Variants in CMIP observed in about 807,000 individuals in gnomAD.
CMIP encodes C-Maf-inducing protein.
CMIP carries 13 observed loss-of-function variants against 97.3 expected under a neutral mutation model. That is an observed-to-expected ratio of 0.13 (90% CI 0.09 to 0.21). The LOEUF is 0.21. Ranked by LOEUF, CMIP falls within the 10% of genes least tolerant of loss-of-function variation. CMIP has a pLI of 1.00. For synonymous variants in CMIP, 538 were observed against 436.3 expected, an observed-to-expected ratio of 1.23 and a Z score of -2.91; for missense variants, 847 against 1,024.9, an observed-to-expected ratio of 0.83 and a Z score of 2.37.
At position 81,548,331 on chromosome 16, in the gene CMIP, G is replaced by A. The variant is rs549515271; in HGVS notation, c.301-59236G>A. 3.0e-4 allele frequency among the ~76,000 whole-genome samples: 46 copies of A among 152,088 alleles called. No homozygotes were observed. The South Asian group carries it at 8.1e-3, about 27-fold the overall frequency. On this transcript the variant is annotated intron_variant, in intron 1 of 20. Transcript: ENST00000537098. ...AAAGTTTTTGTAGAGATGGGGTCTC[G>A]TTTTGTTGTTCAGGCTGTTCTCGAA...
chr16:81,609,601 T>A (rs9926468), intron 2 of CMIP, among the ~76,000 whole-genome samples: 4 of 152,172 alleles, frequency 2.6e-5, no homozygotes, highest in South Asian at 4.1e-4. Context: ...GAGGCAACCG[T>A]GGAGGACTGG....
rs2089471600 is a variant in CMIP, at chr16:81,495,439, G to A, written c.300+49898G>A. 2.5e-6 allele frequency: 4 copies of A among 1,609,748 alleles called. No homozygotes were observed. The Admixed American group carries it at 5.0e-5, about 20-fold the overall frequency. On this transcript the variant is annotated intron_variant, in intron 1 of 20. Coordinates refer to ENST00000537098, the MANE Select transcript of CMIP (RefSeq NM_198390.3). Reference sequence around the variant, plus strand: ...GCTGCCGCTCTGTTTCCTGCGAGGAGGGAAGTTACAGATCTCCGCCCTGGC... The same window carrying A: ...GCTGCCGCTCTGTTTCCTGCGAGGAAGGAAGTTACAGATCTCCGCCCTGGC...
intron 1 of CMIP, among the ~76,000 whole-genome samples, chr16:81,551,300 CA>C: frequency 6.6e-6 from 1 of 152,234 alleles, no homozygotes; most frequent in East Asian, 1.9e-4. Flanking sequence ...CATGGGCAAC[CA>C]AAAGCCAGGA....
At chr16:81,654,362 A>G (rs995267157) in intron 4 of CMIP, among the ~76,000 whole-genome samples, 4 of 152,166 alleles carry the variant, frequency 2.6e-5, no homozygotes, top group African/African-American at 9.6e-5. Flanking sequence ...ATGAGCCACC[A>G]CACCTAGGAC....
intron 11 of CMIP, among the ~76,000 whole-genome samples, chr16:81,692,089 C>G (rs996126587): frequency 1.3e-5 from 2 of 152,172 alleles, no homozygotes; most frequent in African/African-American, 4.8e-5. Context: ...TGCATTGTCA[C>G]AAGGATTCAT....
chr16:81,671,780 C>T (rs1024765024), intron 8 of CMIP, among the ~76,000 whole-genome samples, 186 bp from the exon 9 acceptor site: 9 of 152,248 alleles, frequency 5.9e-5, no homozygotes, highest in Non-Finnish European at 1.0e-4. Flanking sequence ...GCTGCCTGCA[C>T]GTGGCACAGC....
chr16:81,700,304 C>G, intron 15 of CMIP, among the ~76,000 whole-genome samples: 1 of 152,024 alleles, frequency 6.6e-6, no homozygotes, highest in East Asian at 1.9e-4. Flanking sequence ...TGTCCACCTG[C>G]CAAGAACACA....
At chr16:81,571,788 C>T (rs561096162) in intron 1 of CMIP, among the ~76,000 whole-genome samples, 96 of 152,208 alleles carry the variant, frequency 6.3e-4, no homozygotes, top group Admixed American at 1.8e-3. Context: ...CTGCCTCGAC[C>T]GTGCGCGGGA....
At chr16:81,501,704 C>T (rs775693303) in intron 1 of CMIP, among the ~76,000 whole-genome samples, 1 of 151,658 alleles carries the variant, frequency 6.6e-6, no homozygotes, top group Non-Finnish European at 1.5e-5. Flanking sequence ...TTCTGCTTCC[C>T]AGGTTCTCGC....
At chr16:81,582,946 G>C (rs959670751) in intron 1 of CMIP, among the ~76,000 whole-genome samples, 7 of 152,198 alleles carry the variant, frequency 4.6e-5, no homozygotes, top group African/African-American at 1.4e-4. Flanking sequence ...GCTCCTGACG[G>C]TGGCAGTGTG....
chr16:81,455,441 G>A (rs1906487500), intron 1 of CMIP, among the ~76,000 whole-genome samples: 1 of 152,240 alleles, frequency 6.6e-6, no homozygotes, highest in Non-Finnish European at 1.5e-5. Flanking sequence ...CCGTCCTGTT[G>A]GAAGGGGAGA....
chr16:81,570,747 G>A (rs916472060), intron 1 of CMIP, among the ~76,000 whole-genome samples: 9 of 152,268 alleles, frequency 5.9e-5, no homozygotes, highest in African/African-American at 1.9e-4. Context: ...TGTCTCTAGC[G>A]ATCCCTGGTT....
intron 2 of CMIP, chr16:81,619,400 G>C (rs759034394): frequency 6.6e-6 from 1 of 152,272 alleles, no homozygotes; most frequent in Non-Finnish European, 1.5e-5. Context: ...CTTGGGGAGC[G>C]GGAGGTGGTC....
chr16:81,626,640 AGT>A (rs199510902), intron 3 of CMIP, among the ~76,000 whole-genome samples: 22 of 99,212 alleles, frequency 2.2e-4, no homozygotes, highest in South Asian at 3.6e-4. Context: ...GTGGCTTATG[AGT>A]GTGTGTGTGT....
intron 1 of CMIP, among the ~76,000 whole-genome samples, chr16:81,564,451 C>G (rs933566375): frequency 2.6e-5 from 4 of 152,234 alleles, no homozygotes; most frequent in Non-Finnish European, 4.4e-5. Flanking sequence ...ACAGAGGAAT[C>G]TAGTCTTCCA....
intron 2 of CMIP, among the ~76,000 whole-genome samples, chr16:81,613,710 A>G (rs1055676031): frequency 6.6e-6 from 1 of 152,194 alleles, no homozygotes; most frequent in Admixed American, 6.5e-5. Flanking sequence ...AGAGCTGAAG[A>G]GTTCTTTTGA....
intron 1 of CMIP, among the ~76,000 whole-genome samples, chr16:81,565,630 A>C (rs1319206413): frequency 1.3e-5 from 2 of 152,186 alleles, no homozygotes; most frequent in African/African-American, 4.8e-5. Context: ...TAGTACACAC[A>C]TGGCAGCCTC....
chr16:81,577,028 CCATCACCAT>C (rs1367132024), intron 1 of CMIP, among the ~76,000 whole-genome samples: 8 of 145,022 alleles, frequency 5.5e-5, no homozygotes, highest in Admixed American at 4.0e-4. Flanking sequence ...ATCACTATCA[CCATCACCAT>C]CATCACCATC....
intron 1 of CMIP, among the ~76,000 whole-genome samples, chr16:81,451,747 C>A (rs1263231095): frequency 6.6e-6 from 1 of 152,186 alleles, no homozygotes; most frequent in Non-Finnish European, 1.5e-5. Flanking sequence ...GCGCTGACTT[C>A]CACCCACAGA....
Sources: allele counts gnomAD v4.1 joint callset (sites outside exome capture counted in the v4.1 genomes callset), GRCh38; gene constraint gnomAD v4.1.1; transcripts MANE v1.5; gene names NCBI Gene and HGNC (gene_info 2026-07-23, HGNC 2026-07-21).